Variants in SUPT3H observed in about 807,000 individuals in gnomAD.
The protein encoded by SUPT3H is transcription initiation protein SPT3 homolog.
Under a neutral mutation model 44.3 loss-of-function variants are expected in SUPT3H, and 44 were observed. The ratio of observed to expected loss-of-function variants is 0.99; its 90% CI spans 0.78 to 1.28. The LOEUF (loss-of-function observed/expected upper bound fraction) is 1.28. Ranked by LOEUF, SUPT3H falls within the 50% of genes most tolerant of loss-of-function variation. The pLI is 0.00. For missense variants in SUPT3H, 380 were observed against 387.1 expected, an observed-to-expected ratio of 0.98 and a Z score of 0.15; for synonymous variants, 124 against 125.6, an observed-to-expected ratio of 0.99 and a Z score of 0.09.
chr6:45,201,203 T>C (rs1471281526), intron 2 of SUPT3H, among the ~76,000 whole-genome samples: 1 of 151,682 alleles, frequency 6.6e-6, no homozygotes, highest in African/African-American at 2.4e-5. Context: ...GAACTAAAAG[T>C]TACCCTTTCA....
intron 2 of SUPT3H, among the ~76,000 whole-genome samples, chr6:45,360,009 C>T (rs1426877331): frequency 6.6e-6 from 1 of 152,226 alleles, no homozygotes; most frequent in Non-Finnish European, 1.5e-5. Flanking sequence ...ATTTAGCTTT[C>T]ACATTTTATT....
Position 45,253,872 on chromosome 6 carries a change from T to TAC in SUPT3H, c.101+111327_101+111328dup, listed in dbSNP as rs1554302261. 7.3e-4 allele frequency among the ~76,000 whole-genome samples: 90 copies of TAC among 124,066 alleles called. 1 individual carries two copies. The highest frequency in any genetic ancestry group is 2.9e-3 in the East Asian group (12 of 4,152). 81.4% of individuals were successfully genotyped at this position (124,066 alleles called of 152,430 possible). On this transcript the variant is annotated intron_variant, in intron 2 of 10. Transcript: ENST00000371459. ...GCATATATATATATATATATATATA[T>TAC]ACACACACACAGTACATATATAGAA...
chr6:44,848,617 G>T (rs779439227), intron 10 of SUPT3H, among the ~76,000 whole-genome samples: 3 of 151,896 alleles, frequency 2.0e-5, no homozygotes, highest in African/African-American at 7.3e-5. Context: ...TCTAATGAAG[G>T]TTTTCCTGTG....
At chr6:44,899,862 G>A (rs556264295) in intron 10 of SUPT3H, among the ~76,000 whole-genome samples, 7 of 152,262 alleles carry the variant, frequency 4.6e-5, no homozygotes, top group African/African-American at 1.7e-4. Context: ...GAATTTCATA[G>A]ACTTTCTGCT....
chr6:45,039,380 T>A (rs1788163353), intron 3 of SUPT3H, among the ~76,000 whole-genome samples: 2 of 152,128 alleles, frequency 1.3e-5, no homozygotes, highest in Non-Finnish European at 2.9e-5. Flanking sequence ...CAAAACAAAA[T>A]AGCAAAATGT....
intron 7 of SUPT3H, among the ~76,000 whole-genome samples, chr6:44,954,945 A>G (rs1774887973): frequency 6.6e-6 from 1 of 152,256 alleles, no homozygotes; most frequent in Non-Finnish European, 1.5e-5. Flanking sequence ...TGTTACAACA[A>G]GAAGTCAGAA....
rs368765343 is a variant in SUPT3H, at chr6:45,105,403, C to T, written c.186+519G>A. 3.9e-5 allele frequency among the ~76,000 whole-genome samples: 6 copies of T among 152,170 alleles called. No individual in the cohort carries two copies. In the East Asian group the frequency reaches 9.7e-4, roughly 24 times the overall value. On this transcript the variant is annotated intron_variant, in intron 3 of 10. Coordinates refer to ENST00000371459, the MANE Select transcript of SUPT3H (RefSeq NM_003599.4). ...GACCACTGCAATAAAGTGAGTCAGA[C>T]AAATTTTTTTTAAATTTTTTAACTT...
intron 2 of SUPT3H, among the ~76,000 whole-genome samples, chr6:45,175,323 C>T (rs1489197172): frequency 1.3e-5 from 2 of 152,058 alleles, no homozygotes; most frequent in African/African-American, 4.8e-5. Flanking sequence ...TTCAGCATGG[C>T]TGGGGAGGCC....
At chr6:45,187,101 TAAAAAAAAAAAAAAAA>T (rs70996308) in intron 2 of SUPT3H, among the ~76,000 whole-genome samples, 2 of 79,842 alleles carry the variant, frequency 2.5e-5, no homozygotes, top group Non-Finnish European at 4.6e-5. Flanking sequence ...TTTTCGCCTT[TAAAAAAAAAAAAAAAA>T]AAAAAAAAAA....
In SUPT3H at chr6:45,315,025, CAT is replaced by C. The variant is rs773119974; in HGVS notation, c.101+50174_101+50175del. Among the ~76,000 whole-genome samples the C allele has an allele frequency of 4.6e-5, 7 of 152,122 alleles. No individual in the cohort carries two copies. The East Asian group carries it at 5.8e-4, about 13-fold the overall frequency. ...TGATCTTTGACAAAACAAACAAAAA[CAT>C]AAAGTGGGGAAAGGACTCCCTTTTC... is the stretch of plus-strand genomic sequence containing the variant. On this transcript the variant is annotated intron_variant, in intron 2 of 10. Coordinates refer to ENST00000371459, the MANE Select transcript of SUPT3H (RefSeq NM_003599.4).
chr6:45,307,498 A>G (rs1174803184), intron 2 of SUPT3H, among the ~76,000 whole-genome samples: 2 of 152,252 alleles, frequency 1.3e-5, no homozygotes, highest in Non-Finnish European at 2.9e-5. Flanking sequence ...GCTGATACCC[A>G]GGCAAACAGG....
intron 6 of SUPT3H, among the ~76,000 whole-genome samples, chr6:44,975,718 A>G (rs530844779): frequency 6.6e-6 from 1 of 152,308 alleles, no homozygotes; most frequent in Admixed American, 6.5e-5. Flanking sequence ...TTCCTCAAAC[A>G]CTATTGGGAA....
intron 2 of SUPT3H, chr6:45,251,261 C>G (rs1772327893): frequency 1.3e-5 from 2 of 152,058 alleles, no homozygotes; most frequent in South Asian, 4.2e-4. Context: ...TGTATGTGTT[C>G]CCAATCATTA....
At chr6:44,813,501 T>G (rs570009432) in intron 11 of SUPT3H, among the ~76,000 whole-genome samples, 153 of 151,574 alleles carry the variant, frequency 1.0e-3, no homozygotes, top group African/African-American at 3.5e-3. Flanking sequence ...AGAGCGTCTA[T>G]ATCTTTTGCA....
intron 3 of SUPT3H, among the ~76,000 whole-genome samples, chr6:45,074,522 C>T (rs1794766052): frequency 6.6e-6 from 1 of 151,860 alleles, no homozygotes. Flanking sequence ...AATAATACTG[C>T]ACACCCACTA....
intron 2 of SUPT3H, among the ~76,000 whole-genome samples, chr6:45,240,460 T>G (rs572323731): frequency 2.0e-4 from 31 of 152,348 alleles, no homozygotes; most frequent in African/African-American, 6.7e-4. Flanking sequence ...ACATGCTTTC[T>G]GGTCTCAGTA....
At chr6:45,009,699 C>A (rs75699281) in intron 5 of SUPT3H, among the ~76,000 whole-genome samples, 3 of 152,128 alleles carry the variant, frequency 2.0e-5, no homozygotes, top group African/African-American at 7.2e-5. Flanking sequence ...ACTGCTCTAT[C>A]GTAATTACTG....
At chr6:45,299,948 AAT>A (rs10563494) in intron 2 of SUPT3H, among the ~76,000 whole-genome samples, 11,333 of 150,752 alleles carry the variant, frequency 0.075, 851 homozygotes, top group African/African-American at 0.18. Context: ...TATATATGTG[AAT>A]ATATATATAT....
chr6:44,822,711 A>G (rs1167989181), downstream of SUPT3H, among the ~76,000 whole-genome samples: 1 of 152,224 alleles, frequency 6.6e-6, no homozygotes, highest in Non-Finnish European at 1.5e-5. Context: ...TGTCTTTAAG[A>G]GAAAAGCTGT....
Sources: gnomAD v4.1 joint callset for allele counts (sites outside exome capture counted in the v4.1 genomes callset) on GRCh38, gnomAD v4.1.1 for gene constraint, MANE v1.5 for transcripts, NCBI Gene and HGNC (gene_info 2026-07-23, HGNC 2026-07-21) for gene names.